Variants in EPHA6 observed in about 807,000 individuals in gnomAD.
The protein encoded by EPHA6 is ephrin type-A receptor 6.
A neutral mutation model predicts 112.0 loss-of-function variants in EPHA6; 50 were observed. The observed-to-expected ratio is 0.45, with a 90% CI of 0.36 to 0.56. The LOEUF is 0.56. Among genes scored for constraint, EPHA6 ranks in the 20% least tolerant of loss-of-function variants. The pLI, the probability that EPHA6 is intolerant of heterozygous loss-of-function variation, is 0.00. For missense variants in EPHA6, 1,280 were observed against 1,417.4 expected (o/e 0.90, Z 1.56); for synonymous variants, 529 against 490.7 (o/e 1.08, Z -1.03).
intron 12 of EPHA6, among the ~76,000 whole-genome samples, chr3:97,603,455 T>C (rs1020897914): frequency 6.6e-6 from 1 of 151,988 alleles, no homozygotes; most frequent in Non-Finnish European, 1.5e-5. Context: ...AGAGAAAGTA[T>C]TTTTTCAGCA....
intron 5 of EPHA6, among the ~76,000 whole-genome samples, chr3:97,318,512 AG>A (rs984958294): frequency 3.3e-5 from 5 of 152,014 alleles, no homozygotes; most frequent in African/African-American, 1.2e-4. Flanking sequence ...TCATCTTCTC[AG>A]GCAACTGAAA....
chr3:97,262,175 G>T (rs80222667), intron 5 of EPHA6, among the ~76,000 whole-genome samples: 1 of 152,082 alleles, frequency 6.6e-6, no homozygotes, highest in African/African-American at 2.4e-5. Flanking sequence ...ATGGACTACA[G>T]GTGGCTTCTG....
intron 1 of EPHA6, among the ~76,000 whole-genome samples, chr3:96,857,776 A>G (rs529283969): frequency 2.5e-4 from 38 of 152,010 alleles, no homozygotes; most frequent in Non-Finnish European, 4.0e-4. Flanking sequence ...ACAACACATA[A>G]TTTTTAGGCA....
At chr3:97,222,910 G>A (rs573070122) in intron 3 of EPHA6, among the ~76,000 whole-genome samples, 1 of 152,288 alleles carries the variant, frequency 6.6e-6, no homozygotes, top group East Asian at 1.9e-4. Context: ...AACTAAATTT[G>A]GCCTAAGAAG....
At chr3:97,117,800 G>T (rs937607669) in intron 3 of EPHA6, among the ~76,000 whole-genome samples, 7 of 151,818 alleles carry the variant, frequency 4.6e-5, no homozygotes, top group African/African-American at 1.4e-4. Flanking sequence ...TCTTACACTA[G>T]AAATGAATTT....
chr3:97,058,837 G>A (rs1044147055), intron 3 of EPHA6, among the ~76,000 whole-genome samples: 14 of 152,282 alleles, frequency 9.2e-5, no homozygotes, highest in Non-Finnish European at 1.9e-4. Context: ...TTTATCTTAT[G>A]TCAGTAAGAT....
intron 3 of EPHA6, among the ~76,000 whole-genome samples, chr3:97,067,363 G>A (rs1446934429): frequency 6.6e-6 from 1 of 151,992 alleles, no homozygotes; most frequent in African/African-American, 2.4e-5. Flanking sequence ...ATTTAGGAGA[G>A]GGAAACTAGT....
intron 8 of EPHA6, among the ~76,000 whole-genome samples, chr3:97,478,300 A>G (rs2091434413): frequency 2.0e-5 from 3 of 152,126 alleles, no homozygotes; most frequent in Admixed American, 6.5e-5. Flanking sequence ...GCATCAGAAA[A>G]TATTTCCTTA....
chr3:96,824,580 G>A (rs1249930868), intron 1 of EPHA6, among the ~76,000 whole-genome samples: 1 of 151,932 alleles, frequency 6.6e-6, no homozygotes, highest in Non-Finnish European at 1.5e-5. Flanking sequence ...TTGGTGTGTT[G>A]AGAAACAGGA....
At position 97,244,081 on chromosome 3, in the gene EPHA6, G is replaced by T. The variant is rs1232907614; in HGVS notation, c.1400G>T (p.Gly467Val). 1 of 1,612,900 alleles carries T rather than the reference G, an allele frequency of 6.2e-7. No individual in the cohort carries two copies. The highest frequency in any genetic ancestry group is 8.5e-7 in the Non-Finnish European group (1 of 1,179,292). The stretch of plus-strand genomic sequence containing the variant: ...TACAGTGTAATCTGTAAGAAATGTG[G>T]CTTAGACACCAGCCAGTGTGAGGAC... ...LTYSVICKKC[G>V]LDTSQCEDCG... Residue 467 changes from glycine to valine, a missense_variant, in exon 5 of 18, where the codon GGC becomes GTC. By Grantham distance (109) the Gly-to-Val change is moderately radical. Transcript: ENST00000389672.
At chr3:97,492,710 T>G (rs931483423) in intron 10 of EPHA6, among the ~76,000 whole-genome samples, 9 of 146,072 alleles carry the variant, frequency 6.2e-5, no homozygotes, top group African/African-American at 7.6e-5. Context: ...AACATGCAAA[T>G]AAATTGTTGT....
At chr3:97,657,265 A>G (rs1442616472) in intron 14 of EPHA6, among the ~76,000 whole-genome samples, 1 of 151,746 alleles carries the variant, frequency 6.6e-6, no homozygotes, top group African/African-American at 2.4e-5. Context: ...AGTTAAGATG[A>G]AACTATGTTT....
At chr3:96,912,934 A>G (rs887101520) in intron 2 of EPHA6, among the ~76,000 whole-genome samples, 1 of 152,062 alleles carries the variant, frequency 6.6e-6, no homozygotes, top group African/African-American at 2.4e-5. Flanking sequence ...GAGAGAGAAC[A>G]TAGTAACTTA....
At chr3:97,060,231 TAGAC>T (rs961600261) in intron 3 of EPHA6, among the ~76,000 whole-genome samples, 8 of 152,208 alleles carry the variant, frequency 5.3e-5, no homozygotes, top group Non-Finnish European at 2.9e-5. Context: ...AATCCTCTGT[TAGAC>T]AGTATGCTCT....
intron 2 of EPHA6, among the ~76,000 whole-genome samples, chr3:96,952,531 C>A (rs1318100726): frequency 6.6e-6 from 1 of 152,130 alleles, no homozygotes; most frequent in Non-Finnish European, 1.5e-5. Context: ...CATGTTATAA[C>A]TCAGTATGAA....
In EPHA6 at chr3:97,300,133, A is replaced by G. The variant is rs1475621337; in HGVS notation, c.1606+55846A>G. Among the ~76,000 whole-genome samples the G allele has an allele frequency of 3.3e-5, 5 of 152,236 alleles. No individual in the cohort carries two copies. The East Asian group carries it at 5.8e-4, about 18-fold the overall frequency. ...GAAGATTAGATATAAATTCCATGTT[A>G]GATATTTTCCTTTACCATTCTCTTT... On this transcript the variant is annotated intron_variant, in intron 5 of 17. Coordinates refer to ENST00000389672, the MANE Select transcript of EPHA6 (RefSeq NM_001080448.3).
At position 96,845,817 on chromosome 3, in the gene EPHA6, A is replaced by T. The variant is rs141541111; in HGVS notation, c.386-21008A>T. 3.1e-3 allele frequency among the ~76,000 whole-genome samples: 474 copies of T among 152,004 alleles called. 6 individuals are homozygous for T. Among genetic ancestry groups the T allele is most frequent in the African/African-American group, 0.011 (455 of 41,502 alleles). Reference sequence around the variant, plus strand: ...TGATTCAGAACTGGCTCAACTTTGCAATTATAGGTCCGGGATATATTGTGA... The same window carrying T: ...TGATTCAGAACTGGCTCAACTTTGCTATTATAGGTCCGGGATATATTGTGA... On this transcript the variant is annotated intron_variant, in intron 1 of 17. Transcript: ENST00000389672.
At chr3:96,913,212 AC>A (rs111333347) in intron 2 of EPHA6, among the ~76,000 whole-genome samples, 2 of 109,982 alleles carry the variant, frequency 1.8e-5, no homozygotes, top group South Asian at 3.4e-4. Context: ...ACACACACAC[AC>A]CACACACACG....
intron 14 of EPHA6, among the ~76,000 whole-genome samples, chr3:97,661,735 C>T (rs1249601976): frequency 3.3e-5 from 5 of 152,120 alleles, no homozygotes; most frequent in African/African-American, 1.2e-4. Flanking sequence ...GGTTTATTTT[C>T]ATTTCAGTGG....
Sources: gnomAD v4.1 joint callset for allele counts (sites outside exome capture counted in the v4.1 genomes callset) on GRCh38, gnomAD v4.1.1 for gene constraint, MANE v1.5 for transcripts, NCBI Gene and HGNC (gene_info 2026-07-23, HGNC 2026-07-21) for gene names.